The following C12orf42 variants were observed in gnomAD, a reference collection of about 807,000 sequenced individuals.
C12orf42 encodes chromosome 12 open reading frame 42.
Under a neutral mutation model 21.6 loss-of-function variants are expected in C12orf42, and 25 were observed. That is an observed-to-expected ratio of 1.16 (90% confidence interval 0.84 to 1.62). The LOEUF is 1.62. Ranked by LOEUF, C12orf42 falls within the 40% of genes most tolerant of loss-of-function variation. The probability of loss-of-function intolerance (pLI) is 0.00; values close to 1 mark genes in which losing one functional copy is unlikely to be tolerated. For synonymous variants in C12orf42, 174 were observed against 175.0 expected (o/e 0.99, Z 0.05); for missense variants, 483 against 459.3 (o/e 1.05, Z -0.47).
At chr12:103,206,864 G>A in the C12orf42 span, among the ~76,000 whole-genome samples, 67 of 152,264 alleles carry the variant, frequency 4.4e-4, 1 homozygote, top group South Asian at 3.1e-3. Flanking sequence ...ACCTCCAGCC[G>A]ATCTTCCCGG....
the C12orf42 span, chr12:103,550,634 T>C: frequency 2.6e-5 from 4 of 152,154 alleles, no homozygotes; most frequent in Non-Finnish European, 5.9e-5. Flanking sequence ...TTTGCTAAAA[T>C]CATAATTATC....
At chr12:103,237,095 A>G (rs1044391974), downstream of C12orf42, among the ~76,000 whole-genome samples, 1 of 152,238 alleles carries the variant, frequency 6.6e-6, no homozygotes, top group African/African-American at 2.4e-5. Flanking sequence ...GCTTGTTAGC[A>G]TGTTAGTTTG....
intron 4 of C12orf42, among the ~76,000 whole-genome samples, chr12:103,287,674 G>T (rs1025411436): frequency 4.6e-5 from 7 of 151,076 alleles, no homozygotes; most frequent in African/African-American, 1.7e-4. Context: ...ACTGCACGTT[G>T]TGCACATGTA....
the C12orf42 span, among the ~76,000 whole-genome samples, chr12:103,535,341 AGATAT>A: frequency 6.6e-6 from 1 of 152,056 alleles, no homozygotes; most frequent in Admixed American, 6.6e-5. Context: ...AACTTATATT[AGATAT>A]AAGTATAAAA....
intron 4 of C12orf42, among the ~76,000 whole-genome samples, chr12:103,316,266 G>A (rs1370853147): frequency 6.6e-6 from 1 of 151,650 alleles, no homozygotes; most frequent in Non-Finnish European, 1.5e-5. Context: ...CTTCTCATCA[G>A]AAATCATGAG....
At position 103,306,111 on chromosome 12, in the gene C12orf42, G is replaced by C. The variant is rs760372689; in HGVS notation, c.494C>G (p.Ser165Ter). The change falls in exon 5 of 6, where the codon TCA (serine) becomes TGA (stop). Residue 165 changes from serine (S) to a stop codon, truncating the protein, a stop_gained. Transcript: ENST00000548883. LOFTEE classifies it high-confidence loss of function. ...RGAPKQAWNS[S>*]FLEQLVKKPN... Reference sequence around the variant, plus strand: ...CTTTTTAACCAGTTGTTCCAAAAATGAACTGTTCCAAGCCTGCTTGGGTGC... The same window carrying C: ...CTTTTTAACCAGTTGTTCCAAAAATCAACTGTTCCAAGCCTGCTTGGGTGC... 1 of 1,613,958 alleles carries C rather than the reference G, an allele frequency of 6.2e-7. No homozygotes were observed. Among genetic ancestry groups the C allele is most frequent in the Admixed American group, 1.7e-5 (1 of 60,010 alleles).
At chr12:103,472,054 T>TC (rs1270411789) in intron 2 of C12orf42, 1 of 137,322 alleles carries the variant, frequency 7.3e-6, no homozygotes, top group Admixed American at 7.3e-5. Flanking sequence ...TCAATTTTTT[T>TC]TTTTTTTTTT....
chr12:103,483,178 C>T (rs1429353530), intron 1 of C12orf42, among the ~76,000 whole-genome samples: 6 of 151,976 alleles, frequency 3.9e-5, no homozygotes, highest in African/African-American at 7.2e-5. Flanking sequence ...TGTAAAATTC[C>T]AAGCACCAAG....
chr12:103,428,476 T>C (rs181793802), intron 2 of C12orf42, among the ~76,000 whole-genome samples: 25 of 152,258 alleles, frequency 1.6e-4, no homozygotes, highest in Non-Finnish European at 2.6e-4. Flanking sequence ...CAGTAATTAA[T>C]AGCCTAACAA....
chr12:103,294,442 G>GAAAGAAAGAAAT (rs2037042558), intron 4 of C12orf42, among the ~76,000 whole-genome samples: 1 of 109,948 alleles, frequency 9.1e-6, no homozygotes, highest in African/African-American at 4.1e-5. Context: ...AAGAAAGAAA[G>GAAAGAAAGAAAT]AAAGAAAGAA....
intron 4 of C12orf42, among the ~76,000 whole-genome samples, chr12:103,338,078 T>C (rs1180920075): frequency 6.6e-6 from 1 of 152,206 alleles, no homozygotes; most frequent in African/African-American, 2.4e-5. Context: ...ACCACCAAAT[T>C]TTGGGAAATA....
chr12:103,452,344 A>T (rs1437926358), intron 2 of C12orf42, among the ~76,000 whole-genome samples: 1 of 152,106 alleles, frequency 6.6e-6, no homozygotes, highest in Admixed American at 6.6e-5. Flanking sequence ...TTCTAATCAC[A>T]TAAAATCATA....
chr12:103,376,816 T>C (rs981198481), intron 3 of C12orf42, among the ~76,000 whole-genome samples: 28 of 152,188 alleles, frequency 1.8e-4, no homozygotes, highest in Non-Finnish European at 1.3e-4. Context: ...ATCTGGAAAT[T>C]CCTGCCTTGC....
the C12orf42 span, among the ~76,000 whole-genome samples, chr12:103,169,571 CCCA>C: frequency 6.6e-6 from 1 of 152,068 alleles, no homozygotes; most frequent in African/African-American, 2.4e-5. Context: ...GTCTAGAAAA[CCCA>C]CCTCCAGTGT....
chr12:103,397,882 T>G (rs1050470745), intron 3 of C12orf42: 3 of 152,164 alleles, frequency 2.0e-5, no homozygotes, highest in Non-Finnish European at 4.4e-5. Context: ...ATAACAACAA[T>G]GTATTATATA....
chr12:103,207,395 T>C, the C12orf42 span, among the ~76,000 whole-genome samples: 1 of 152,192 alleles, frequency 6.6e-6, no homozygotes, highest in African/African-American at 2.4e-5. Flanking sequence ...CAATATGCTT[T>C]TCAGAAGCCA....
chr12:103,210,635 A>ATTTCTTTTTTTTTTTTTTTTT, the C12orf42 span, among the ~76,000 whole-genome samples: 1 of 41,614 alleles, frequency 2.4e-5, no homozygotes. Flanking sequence ...AACACCCTCT[A>ATTTCTTTTTTTTTTTTTTTTT]TTTCTTTTTT....
At chr12:103,478,063 A>G in intron 2 of C12orf42, 1 of 294,908 alleles carries the variant, frequency 3.4e-6, no homozygotes, top group East Asian at 1.0e-4. Flanking sequence ...GTGTGGGGTT[A>G]CCTTAGTAAC....
the C12orf42 span, among the ~76,000 whole-genome samples, chr12:103,171,271 A>G: frequency 1.3e-5 from 2 of 152,144 alleles, no homozygotes; most frequent in East Asian, 3.8e-4. Context: ...ACCTCGGTAT[A>G]TACTTATTAG....
Sources: gnomAD v4.1 joint callset for allele counts (sites outside exome capture counted in the v4.1 genomes callset) on GRCh38, gnomAD v4.1.1 for gene constraint, MANE v1.5 for transcripts, NCBI Gene and HGNC (gene_info 2026-07-23, HGNC 2026-07-21) for gene names.